Variants in TDRD5 observed in about 807,000 individuals in gnomAD.
TDRD5 encodes the protein tudor domain containing 5, also known as tudor domain-containing protein 5.
In TDRD5, 41 loss-of-function variants were observed where a neutral mutation model predicts 120.6. The ratio of observed to expected loss-of-function variants is 0.34; its 90% confidence interval spans 0.26 to 0.44. The LOEUF is 0.44. Ranked by LOEUF, TDRD5 falls within the 20% of genes least tolerant of loss-of-function variation. The pLI is 1.00. For missense variants in TDRD5, 1,006 were observed against 1,221.2 expected (o/e 0.82, Z 2.63); for synonymous variants, 430 against 433.7 (o/e 0.99, Z 0.11).
intron 6 of TDRD5, among the ~76,000 whole-genome samples, chr1:179,622,702 G>T (rs1676904487): frequency 1.3e-5 from 2 of 152,084 alleles, no homozygotes; most frequent in African/African-American, 4.8e-5. Flanking sequence ...CAGATCAATA[G>T]AAATTATCCA....
intron 17 of TDRD5, among the ~76,000 whole-genome samples, chr1:179,676,570 GT>G (rs1341986524): frequency 6.6e-6 from 1 of 152,164 alleles, no homozygotes; most frequent in Non-Finnish European, 1.5e-5. Context: ...CTCAGCATTT[GT>G]TTGTTTGGAA....
intron 17 of TDRD5, among the ~76,000 whole-genome samples, chr1:179,680,134 A>G (rs971872920): frequency 1.3e-5 from 2 of 151,994 alleles, no homozygotes; most frequent in Non-Finnish European, 2.9e-5. Context: ...ATGTCTTTCT[A>G]TTGTTTATTT....
intron 9 of TDRD5, among the ~76,000 whole-genome samples, chr1:179,637,399 T>C (rs887088632): frequency 6.6e-6 from 1 of 152,042 alleles, no homozygotes; most frequent in African/African-American, 2.4e-5. Flanking sequence ...CTTCACAGAG[T>C]TCTAAAAATT....
At chr1:179,680,652 C>T (rs1160610379) in intron 17 of TDRD5, among the ~76,000 whole-genome samples, 1 of 152,168 alleles carries the variant, frequency 6.6e-6, no homozygotes, top group Non-Finnish European at 1.5e-5. Flanking sequence ...TTTAACCTGT[C>T]TGTATCTTTA....
intron 6 of TDRD5, among the ~76,000 whole-genome samples, chr1:179,625,130 C>A (rs917175749): frequency 1.6e-3 from 187 of 120,488 alleles, no homozygotes; most frequent in Admixed American, 1.8e-3. Flanking sequence ...CAACTGAATA[C>A]AAAAAAAAAA....
At chr1:179,677,259 A>G (rs935565422) in intron 17 of TDRD5, among the ~76,000 whole-genome samples, 3 of 151,728 alleles carry the variant, frequency 2.0e-5, no homozygotes, top group Non-Finnish European at 2.9e-5. Flanking sequence ...CATATCCTGT[A>G]TCATGTTTTT....
At chr1:179,653,127 A>G (rs1678810548) in intron 13 of TDRD5, among the ~76,000 whole-genome samples, 1 of 152,216 alleles carries the variant, frequency 6.6e-6, no homozygotes, top group South Asian at 2.1e-4. Flanking sequence ...TCTTGAACAA[A>G]TAAACCATGT....
In TDRD5 at chr1:179,620,143, C is replaced by A. The variant is rs1360546197; in HGVS notation, c.916-892C>A. On this transcript the variant is annotated intron_variant, in intron 5 of 17. Coordinates refer to ENST00000444136, the MANE Select transcript of TDRD5 (RefSeq NM_001199085.3). ...TTCTTTGATATAAAACCATGAATAA[C>A]ATGTGCACACATAAAGGAGTTTCTG... Among the ~76,000 whole-genome samples, 4 of 152,234 alleles carry A rather than the reference C, an allele frequency of 2.6e-5. No individual in the cohort carries two copies. The East Asian group carries it at 7.7e-4, about 29-fold the overall frequency.
chr1:179,607,222 A>C lies in TDRD5; in HGVS notation c.832-11377A>C, dbSNP rs140783342. Among the ~76,000 whole-genome samples the C allele has an allele frequency of 3.3e-5, 5 of 152,082 alleles. No homozygotes were observed. The South Asian group carries it at 1.0e-3, about 31-fold the overall frequency. On this transcript the variant is annotated intron_variant, in intron 4 of 17. Coordinates refer to ENST00000444136, the MANE Select transcript of TDRD5 (RefSeq NM_001199085.3). ...TGTAAATAGTATTTTTTAAATTTCA[A>C]ATTTCACTTATTACTGGAATATAGG...
Position 179,630,726 on chromosome 1 carries a change from A to G in TDRD5, c.973-41A>G, listed in dbSNP as rs1192911216. 3.8e-6 allele frequency: 6 copies of G among 1,596,298 alleles called. No homozygotes were observed. The African/African-American group carries it at 4.0e-5, about 11-fold the overall frequency. On this transcript the variant is annotated intron_variant, in intron 6 of 17. Transcript: ENST00000444136. Reference sequence around the variant, plus strand: ...CAACTATATATGTTATATATCTGTTATCTAATGCTGTTTCATGTAATTTCT... The same window carrying G: ...CAACTATATATGTTATATATCTGTTGTCTAATGCTGTTTCATGTAATTTCT...
At chr1:179,662,056 A>T in intron 14 of TDRD5, 48 bp from the exon 15 acceptor site, 1 of 1,479,108 alleles carries the variant, frequency 6.8e-7, no homozygotes, top group African/African-American at 1.4e-5. Context: ...ATGTGCTCAT[A>T]TAGGAACTAT....
intron 3 of TDRD5, among the ~76,000 whole-genome samples, chr1:179,595,410 G>A (rs370623122): frequency 2.0e-5 from 3 of 151,920 alleles, no homozygotes; most frequent in African/African-American, 7.3e-5. Flanking sequence ...CCAAGCTTTT[G>A]GTAACACTTA....
chr1:179,678,937 G>T (rs1300878802), intron 17 of TDRD5, among the ~76,000 whole-genome samples: 1 of 151,720 alleles, frequency 6.6e-6, no homozygotes. Flanking sequence ...TCCTTGCATT[G>T]TTGTTGATCT....
At chr1:179,671,932 G>T (rs542265620) in intron 17 of TDRD5, among the ~76,000 whole-genome samples, 1 of 147,614 alleles carries the variant, frequency 6.8e-6, no homozygotes. Context: ...CCTTTTTATG[G>T]CTGAGAAATA....
At position 179,663,679 on chromosome 1, in the gene TDRD5, C is replaced by T. The variant is rs1198239892; in HGVS notation, c.2649+188C>T. Among the ~76,000 whole-genome samples the T allele has an allele frequency of 7.9e-5, 12 of 151,854 alleles. 1 individual carries two copies. Among genetic ancestry groups the T allele is most frequent in the Admixed American group, 7.9e-4 (12 of 15,240 alleles). ...ACTAGAGTTATGAGTGGATTTGCAC[C>T]CCAGAATACTTGTGGTTAATGACCT... is the stretch of plus-strand genomic sequence containing the variant. On this transcript the variant is annotated intron_variant, in intron 16 of 17. Coordinates refer to ENST00000444136, the MANE Select transcript of TDRD5 (RefSeq NM_001199085.3).
chr1:179,669,994 T>G (rs755743947), intron 17 of TDRD5, among the ~76,000 whole-genome samples: 1 of 152,250 alleles, frequency 6.6e-6, no homozygotes, highest in Non-Finnish European at 1.5e-5. Context: ...TACCAGTTAA[T>G]GGACACCTAT....
rs564749293 is a variant in TDRD5 at position 179,592,446 on chromosome 1, G to C, written c.-14-156G>C. 7.7e-5 allele frequency: 46 copies of C among 599,846 alleles called. No individual in the cohort carries two copies. The Admixed American group carries it at 9.2e-4, about 12-fold the overall frequency. The allele number at this position is 599,846 out of a possible 1,614,324, so 37.2% of individuals were successfully genotyped here. ...TGGAGATTCAGGGCTTGAATCGCCC[G>C]GCCACGCGCAAGCCGCAGGGCACCC... On this transcript the variant is annotated intron_variant, in intron 1 of 17. Coordinates refer to ENST00000444136, the MANE Select transcript of TDRD5 (RefSeq NM_001199085.3).
chr1:179,604,629 T>G (rs1322884776), intron 4 of TDRD5, among the ~76,000 whole-genome samples: 1 of 152,170 alleles, frequency 6.6e-6, no homozygotes, highest in Non-Finnish European at 1.5e-5. Context: ...TTGATTTCAT[T>G]TTTGACCCAA....
intron 4 of TDRD5, among the ~76,000 whole-genome samples, chr1:179,598,746 T>G: frequency 6.6e-6 from 1 of 152,046 alleles, no homozygotes; most frequent in East Asian, 1.9e-4. Context: ...AACTCAGTTC[T>G]GTAATTCAAA....
Sources: allele counts gnomAD v4.1 joint callset (sites outside exome capture counted in the v4.1 genomes callset), GRCh38; gene constraint gnomAD v4.1.1; transcripts MANE v1.5; gene names NCBI Gene and HGNC (gene_info 2026-07-23, HGNC 2026-07-21).